The following COL6A3 variants were observed in gnomAD, a reference collection of about 807,000 sequenced individuals.
COL6A3 encodes the protein collagen alpha-3(VI) chain.
Under a neutral mutation model 274.1 loss-of-function variants are expected in COL6A3, and 137 were observed. That is an observed-to-expected ratio of 0.50 (90% CI 0.44 to 0.58). The LOEUF is 0.58. COL6A3 is among the 20% of genes least tolerant of loss of function. COL6A3 has a pLI of 0.00. For synonymous variants in COL6A3, 1,650 were observed against 1,650.6 expected, an observed-to-expected ratio of 1.00 and a Z score of 0.01; for missense variants, 3,950 against 4,124.9, an observed-to-expected ratio of 0.96 and a Z score of 1.16.
At chr2:237,357,673 C>T (rs1347556157) in intron 22 of COL6A3, 144 bp downstream of exon 22, 2 of 901,072 alleles carry the variant, frequency 2.2e-6, no homozygotes, top group East Asian at 4.8e-5. Flanking sequence ...AGACTTCCTT[C>T]ACGGGGACTC....
At position 237,352,379 on chromosome 2, in the gene COL6A3, T is replaced by C. The variant is rs767988087; in HGVS notation, c.6753+143A>G. 6.0e-4 allele frequency: 506 copies of C among 837,662 alleles called. 1 individual carries two copies. Among genetic ancestry groups the C allele is most frequent in the Non-Finnish European group, 9.3e-4 (462 of 498,956 alleles). 51.9% of individuals were successfully genotyped at this position (837,662 alleles called of 1,614,324 possible). Reference sequence around the variant, plus strand: ...TAGCCAGTCACTGCAAGGCCTGAGGTTAAATCTGGGGTTTTTGTTGCCAAA... The same window carrying C: ...TAGCCAGTCACTGCAAGGCCTGAGGCTAAATCTGGGGTTTTTGTTGCCAAA... On this transcript the variant is annotated intron_variant, in intron 26 of 43. Coordinates refer to ENST00000295550, the MANE Select transcript of COL6A3 (RefSeq NM_004369.4).
At chr2:237,379,910 T>G (rs1337331286) in intron 5 of COL6A3, among the ~76,000 whole-genome samples, 2 of 152,246 alleles carry the variant, frequency 1.3e-5, no homozygotes, top group African/African-American at 4.8e-5. Context: ...GGAGACTAGT[T>G]GCTAGGCTTG....
chr2:237,390,770 T>C (rs2106382462), intron 3 of COL6A3, among the ~76,000 whole-genome samples: 1 of 152,326 alleles, frequency 6.6e-6, no homozygotes, highest in African/African-American at 2.4e-5. Flanking sequence ...AAACACAAAA[T>C]TGTATATATA....
chr2:237,356,395 A>T (rs758446443), intron 23 of COL6A3, among the ~76,000 whole-genome samples: 15 of 152,386 alleles, frequency 9.8e-5, no homozygotes, highest in East Asian at 1.9e-4. Context: ...CAAACATTTT[A>T]AAATGATATT....
intron 1 of COL6A3, among the ~76,000 whole-genome samples, chr2:237,405,109 G>A (rs1241592092): frequency 3.3e-5 from 5 of 152,190 alleles, no homozygotes; most frequent in African/African-American, 9.6e-5. Context: ...TGAAAAGGAC[G>A]GGAGATAATG....
intron 4 of COL6A3, among the ~76,000 whole-genome samples, chr2:237,384,120 T>G (rs1047881828): frequency 6.6e-6 from 1 of 152,198 alleles, no homozygotes; most frequent in Non-Finnish European, 1.5e-5. Context: ...GTTTGCTTCA[T>G]GACTCTGACG....
intron 2 of COL6A3, among the ~76,000 whole-genome samples, 153 bp downstream of exon 2, chr2:237,396,574 A>T (rs747033455): frequency 6.6e-6 from 1 of 152,228 alleles, no homozygotes; most frequent in Non-Finnish European, 1.5e-5. Context: ...AAGGCCTATA[A>T]ATCCTAGAAC....
intron 41 of COL6A3, among the ~76,000 whole-genome samples, 166 bp from the exon 42 acceptor site, chr2:237,333,714 G>A (rs570311910): frequency 1.2e-4 from 18 of 152,336 alleles, no homozygotes; most frequent in African/African-American, 3.4e-4. Flanking sequence ...GACTTATGCT[G>A]TGGGCTACAA....
chr2:237,377,806 A>G (rs2077890636), intron 6 of COL6A3, among the ~76,000 whole-genome samples: 1 of 152,196 alleles, frequency 6.6e-6, no homozygotes, highest in Non-Finnish European at 1.5e-5. Flanking sequence ...GGTTGCCATG[A>G]ATCTGCTGTA....
At chr2:237,375,834 C>G (rs943044589) in intron 7 of COL6A3, among the ~76,000 whole-genome samples, 1 of 152,222 alleles carries the variant, frequency 6.6e-6, no homozygotes, top group Non-Finnish European at 1.5e-5. Context: ...TGAGCCACCG[C>G]ACCCGGCCTG....
chr2:237,334,922 A>C (rs772141378), intron 40 of COL6A3, 33 bp from the exon 41 acceptor site: 2 of 1,613,478 alleles, frequency 1.2e-6, no homozygotes, highest in South Asian at 2.2e-5. Context: ...AAGATAAAAA[A>C]TAAAATCCTC....
At chr2:237,402,593 T>C (rs2078619548) in intron 1 of COL6A3, among the ~76,000 whole-genome samples, 1 of 152,164 alleles carries the variant, frequency 6.6e-6, no homozygotes. Context: ...TGCCGCTGTA[T>C]TCAAATAACA....
At position 237,344,302 on chromosome 2, in the gene COL6A3, G is replaced by A. The variant is rs1303212450; in HGVS notation, c.7668+48C>T. ...ATGGACGTGTCTGAGAACCTTCTCAGAGCCCCAGAAGAAAGGGAGATGCCA... is the reference window on the plus strand; with the variant it reads ...ATGGACGTGTCTGAGAACCTTCTCAAAGCCCCAGAAGAAAGGGAGATGCCA... On this transcript the variant is annotated intron_variant, in intron 36 of 43. Coordinates refer to ENST00000295550, the MANE Select transcript of COL6A3 (RefSeq NM_004369.4). The surrounding 1 kb of genome is among the most constrained non-coding windows in gnomAD (Gnocchi z 4.8). 2 of 1,613,796 alleles carry A rather than the reference G, an allele frequency of 1.2e-6. 1 individual carries two copies. Among genetic ancestry groups the A allele is most frequent in the Middle Eastern group, 3.3e-4 (2 of 6,062 alleles).
chr2:237,345,542 C>T (rs909591718), intron 32 of COL6A3, among the ~76,000 whole-genome samples: 4 of 152,198 alleles, frequency 2.6e-5, no homozygotes, highest in East Asian at 1.9e-4. Flanking sequence ...CCCTTTCACA[C>T]GCTTGATACG....
At chr2:237,398,696 G>T (rs1438388029) in intron 1 of COL6A3, among the ~76,000 whole-genome samples, 1 of 152,142 alleles carries the variant, frequency 6.6e-6, no homozygotes, top group Non-Finnish European at 1.5e-5. Flanking sequence ...TAAAACATTT[G>T]AACGAGAAGC....
At chr2:237,373,351 A>G (rs2077743263) in intron 8 of COL6A3, among the ~76,000 whole-genome samples, 1 of 152,170 alleles carries the variant, frequency 6.6e-6, no homozygotes, top group Non-Finnish European at 1.5e-5. Flanking sequence ...TTGGAGACAC[A>G]CAAAGCGCCT....
At chr2:237,401,868 A>G (rs1341114574) in intron 1 of COL6A3, among the ~76,000 whole-genome samples, 1 of 152,026 alleles carries the variant, frequency 6.6e-6, no homozygotes, top group African/African-American at 2.4e-5. Flanking sequence ...TATTTTTAGT[A>G]GAGACAGGGT....
intron 42 of COL6A3, among the ~76,000 whole-genome samples, chr2:237,330,789 A>G (rs1233896466): frequency 2.6e-5 from 4 of 152,214 alleles, no homozygotes; most frequent in Non-Finnish European, 4.4e-5. Context: ...AAACATTAAC[A>G]TATGCAAACG....
In COL6A3 at chr2:237,344,090, G is replaced by T. The variant is rs918574290; in HGVS notation, c.7668+260C>A. 1 of 565,894 alleles carries T rather than the reference G, an allele frequency of 1.8e-6. No individual in the cohort carries two copies. The highest frequency in any genetic ancestry group is 4.9e-4 in the Middle Eastern group (1 of 2,060). The allele number at this position is 565,894 out of a possible 1,614,324, so 35.1% of individuals were successfully genotyped here. A position where few individuals can be genotyped will look rare whatever the true frequency, so the allele number is the denominator to read the frequency against. On this transcript the variant is annotated intron_variant, in intron 36 of 43. Coordinates refer to ENST00000295550, the MANE Select transcript of COL6A3 (RefSeq NM_004369.4). This position sits in a 1 kb window ranked among gnomAD's most constrained non-coding sequence, Gnocchi z 4.8. Reference sequence around the variant, plus strand: ...TAGATAGAGAGTGTCACCAACACTAGCATCACTAACCGGCAAGAGCTGTCA... The same window carrying T: ...TAGATAGAGAGTGTCACCAACACTATCATCACTAACCGGCAAGAGCTGTCA...
Sources: gnomAD v4.1 joint callset for allele counts (sites outside exome capture counted in the v4.1 genomes callset) on GRCh38, gnomAD v4.1.1 for gene constraint, Gnocchi (gnomAD v3.1) non-coding constraint, MANE v1.5 for transcripts, NCBI Gene and HGNC (gene_info 2026-07-23, HGNC 2026-07-21) for gene names.